Variants in LAMA1 observed in about 807,000 individuals in gnomAD.
LAMA1 encodes the protein laminin subunit alpha-1.
LAMA1 carries 219 observed loss-of-function variants against 348.7 expected under a neutral mutation model. The ratio of observed to expected loss-of-function variants is 0.63; its 90% CI spans 0.56 to 0.70. The LOEUF (loss-of-function observed/expected upper bound fraction) is 0.70, where lower values mean the gene tolerates loss of function less well. Among genes scored for constraint, LAMA1 ranks in the 30% least tolerant of loss-of-function variants. The probability of loss-of-function intolerance (pLI) is 0.00; values close to 1 mark genes in which losing one functional copy is unlikely to be tolerated. For synonymous variants in LAMA1, 1,487 were observed against 1,491.0 expected, an observed-to-expected ratio of 1.00 and a Z score of 0.06; for missense variants, 3,744 against 3,888.0, an observed-to-expected ratio of 0.96 and a Z score of 0.99.
At chr18:6,952,322 ACT>A (rs995775002) in intron 57 of LAMA1, among the ~76,000 whole-genome samples, 4 of 152,160 alleles carry the variant, frequency 2.6e-5, no homozygotes, top group Admixed American at 2.6e-4. Flanking sequence ...GTCTCGAGTA[ACT>A]CTCTCAAGAG....
At chr18:7,057,497 T>C (rs1252398595) in intron 3 of LAMA1, among the ~76,000 whole-genome samples, 1 of 137,750 alleles carries the variant, frequency 7.3e-6, no homozygotes, top group Admixed American at 7.5e-5. Flanking sequence ...TTTTTTGAGA[T>C]AGGATCTCAC....
chr18:7,024,934 C>T (rs1476366972), intron 17 of LAMA1, among the ~76,000 whole-genome samples: 1 of 152,210 alleles, frequency 6.6e-6, no homozygotes, highest in Non-Finnish European at 1.5e-5. Context: ...AGGAGGCTCT[C>T]GCACCTCTCC....
At chr18:6,965,566 A>G in intron 49 of LAMA1, 134 bp from the exon 50 acceptor site, 1 of 1,015,390 alleles carries the variant, frequency 9.8e-7, no homozygotes, top group Non-Finnish European at 1.5e-6. Flanking sequence ...CCAGAGGTCT[A>G]TCGGCTACGA....
chr18:7,086,374 T>C (rs746688142), intron 1 of LAMA1, among the ~76,000 whole-genome samples: 17 of 152,222 alleles, frequency 1.1e-4, no homozygotes, highest in Admixed American at 2.0e-4. Flanking sequence ...ACAACGTCTT[T>C]CACTGACTCC....
intron 3 of LAMA1, among the ~76,000 whole-genome samples, chr18:7,054,225 C>T (rs2058072926): frequency 6.6e-6 from 1 of 152,142 alleles, no homozygotes; most frequent in African/African-American, 2.4e-5. Context: ...CGTTTTTATC[C>T]TCAGTATTCT....
At chr18:7,087,822 A>G (rs1415016368) in intron 1 of LAMA1, among the ~76,000 whole-genome samples, 1 of 152,182 alleles carries the variant, frequency 6.6e-6, no homozygotes, top group Non-Finnish European at 1.5e-5. Flanking sequence ...CAGTCTCTCT[A>G]TATGAATGAT....
rs750211398 is a variant in LAMA1, at chr18:7,049,219, G to A, written c.627C>T (p.Asp209=). The change falls in exon 5 of 63, where the codon GAC becomes GAT. Residue 209 remains aspartate (D), a synonymous_variant. Transcript: ENST00000389658. ...ATTCCAACAACTTGGGTGAAAGATCGTCAGCGCTTGGTCTGCCATTGATGA... is the reference window on the plus strand; with the variant it reads ...ATTCCAACAACTTGGGTGAAAGATCATCAGCGCTTGGTCTGCCATTGATGA... ...TSLINGRPSA[D]DLSPKLLEFT... 66 of 1,613,992 alleles carry A rather than the reference G, an allele frequency of 4.1e-5. No homozygotes were observed. Among genetic ancestry groups the A allele is most frequent in the South Asian group, 2.1e-4 (19 of 91,084 alleles).
chr18:6,970,157 A>C (rs114444790), intron 48 of LAMA1, among the ~76,000 whole-genome samples: 1,551 of 152,240 alleles, frequency 0.01, 31 homozygotes, highest in African/African-American at 0.036. Context: ...CGGATCAGAG[A>C]GCCTGAATTC....
At chr18:6,983,372 A>G (rs1229558008) in intron 39 of LAMA1, 138 bp from the exon 40 acceptor site, 6 of 876,886 alleles carry the variant, frequency 6.8e-6, no homozygotes, top group Non-Finnish European at 1.1e-5. Context: ...TCCATAAAAA[A>G]TAACAACCTA....
At chr18:6,993,831 T>A in intron 34 of LAMA1, 79 bp from the exon 35 acceptor site, 3 of 832,714 alleles carry the variant, frequency 3.6e-6, no homozygotes, top group Non-Finnish European at 6.4e-6. Context: ...AGTTGTAATA[T>A]TCCACTGTTG....
intron 61 of LAMA1, among the ~76,000 whole-genome samples, chr18:6,946,676 A>G (rs1568001818): frequency 6.6e-6 from 1 of 152,028 alleles, no homozygotes; most frequent in Non-Finnish European, 1.5e-5. Context: ...CTGAGATTGC[A>G]CCATTGCACT....
intron 47 of LAMA1, chr18:6,972,222 G>A (rs1244668640): frequency 1.4e-5 from 7 of 482,786 alleles, no homozygotes; most frequent in South Asian, 1.4e-4. Flanking sequence ...TAGGGTTGAT[G>A]GAGAGAATCG....
chr18:6,972,159 G>A, intron 47 of LAMA1, 178 bp from the exon 48 acceptor site: 1 of 631,250 alleles, frequency 1.6e-6, no homozygotes, highest in South Asian at 1.8e-5. Context: ...TTATGAAGTG[G>A]AATCCTAGAA....
intron 16 of LAMA1, among the ~76,000 whole-genome samples, chr18:7,028,224 T>C (rs1343260782): frequency 6.6e-6 from 1 of 152,190 alleles, no homozygotes; most frequent in Non-Finnish European, 1.5e-5. Context: ...TGCAATTAGA[T>C]TGGCGTGGGA....
intron 3 of LAMA1, among the ~76,000 whole-genome samples, chr18:7,077,395 C>T (rs865931554): frequency 1.3e-4 from 20 of 151,870 alleles, no homozygotes; most frequent in African/African-American, 2.2e-4. Context: ...TTAGTAGAGA[C>T]GGGATTTCAC....
chr18:6,952,815 G>A (rs534008690), intron 57 of LAMA1, among the ~76,000 whole-genome samples: 32 of 150,020 alleles, frequency 2.1e-4, no homozygotes, highest in Admixed American at 1.3e-3. Flanking sequence ...ATGTCTGCCC[G>A]TGTCCAGTGG....
intron 50 of LAMA1, 80 bp from the exon 51 acceptor site, chr18:6,964,883 A>G: frequency 6.7e-7 from 1 of 1,501,276 alleles, no homozygotes; most frequent in Non-Finnish European, 9.2e-7. Context: ...TTCTGGCAAC[A>G]AAGCTCATTT....
intron 4 of LAMA1, 31 bp downstream of exon 4, chr18:7,050,663 C>T (rs768268656): frequency 1.2e-6 from 2 of 1,612,800 alleles, no homozygotes; most frequent in East Asian, 4.5e-5. Flanking sequence ...GATGAGGAAA[C>T]AGATCTTGCT....
chr18:7,016,740 T>C (rs1477052451), intron 20 of LAMA1, 69 bp from the exon 21 acceptor site: 6 of 1,364,992 alleles, frequency 4.4e-6, no homozygotes, highest in Non-Finnish European at 6.0e-6. Context: ...CATATTAGTA[T>C]GTTCCAGAAC....
Sources: gnomAD v4.1 joint callset for allele counts (sites outside exome capture counted in the v4.1 genomes callset) on GRCh38, gnomAD v4.1.1 for gene constraint, MANE v1.5 for transcripts, NCBI Gene and HGNC (gene_info 2026-07-23, HGNC 2026-07-21) for gene names.